The following MYO9B variants were observed in gnomAD, a reference collection of about 807,000 sequenced individuals.
The protein encoded by MYO9B is unconventional myosin-IXb.
MYO9B carries 71 observed loss-of-function variants against 229.5 expected under a neutral mutation model. The observed-to-expected ratio is 0.31, with a 90% CI of 0.26 to 0.38. The LOEUF (loss-of-function observed/expected upper bound fraction) is 0.38, where lower values mean the gene tolerates loss of function less well. Among genes scored for constraint, MYO9B ranks in the 10% least tolerant of loss-of-function variants. MYO9B has a pLI of 1.00. For synonymous variants in MYO9B, 1,185 were observed against 1,235.8 expected (o/e 0.96, Z 0.86); for missense variants, 2,255 against 2,920.5 (o/e 0.77, Z 5.25).
At chr19:17,119,580 T>TC (rs1255575674) in intron 2 of MYO9B, among the ~76,000 whole-genome samples, 3 of 152,132 alleles carry the variant, frequency 2.0e-5, no homozygotes. Context: ...ATACCTGTAA[T>TC]CCCAGCACTT....
At chr19:17,109,032 TTTTA>T (rs150315844) in intron 2 of MYO9B, among the ~76,000 whole-genome samples, 23,730 of 136,184 alleles carry the variant, frequency 0.17, 2,255 homozygotes, top group African/African-American at 0.18. Context: ...TTTTTTTTAA[TTTTA>T]TTTATTTATT....
intron 1 of MYO9B, among the ~76,000 whole-genome samples, chr19:17,090,409 G>A (rs1424157682): frequency 6.6e-6 from 1 of 152,036 alleles, no homozygotes; most frequent in Non-Finnish European, 1.5e-5. Context: ...CCTTGGCCTC[G>A]CAAAGTGCTG....
chr19:17,099,808 A>G (rs987000558), intron 1 of MYO9B, among the ~76,000 whole-genome samples: 3 of 112,674 alleles, frequency 2.7e-5, no homozygotes, highest in Non-Finnish European at 5.2e-5. Context: ...AAAAAGCGAG[A>G]CTGTCTTAAA....
Position 17,102,222 on chromosome 19 carries a change from C to T in MYO9B, c.505C>T (p.Arg169Cys). Residue 169 changes from arginine (R) to cysteine (C), a missense_variant, in exon 2 of 40, where the codon CGC (arginine) becomes TGC (cysteine). Transcript: ENST00000682292. ...CAACCTCCTGAAGAACCTCAAGCAC[C>T]GCTTCCTGCAACAAAAGATCTACAC... ...EGNLLKNLKH[R>C]FLQQKIYTYA... is the part of the protein sequence containing the mutation. 2 of 1,592,338 alleles carry T rather than the reference C, an allele frequency of 1.3e-6. No homozygotes were observed. Among genetic ancestry groups the T allele is most frequent in the South Asian group, 1.1e-5 (1 of 89,256 alleles).
intron 1 of MYO9B, among the ~76,000 whole-genome samples, chr19:17,090,814 G>A (rs943717865): frequency 2.6e-5 from 4 of 152,118 alleles, no homozygotes; most frequent in Non-Finnish European, 4.4e-5. Flanking sequence ...ACCATAACCC[G>A]AGGTCGCCAC....
chr19:17,185,152 G>A (rs1207821673), intron 17 of MYO9B, among the ~76,000 whole-genome samples, 165 bp downstream of exon 17: 1 of 152,066 alleles, frequency 6.6e-6, no homozygotes, highest in African/African-American at 2.4e-5. Flanking sequence ...GAGGCGGGCG[G>A]ATCACGAGGT....
intron 2 of MYO9B, among the ~76,000 whole-genome samples, chr19:17,112,814 G>T (rs898578378): frequency 7.2e-5 from 11 of 152,226 alleles, no homozygotes; most frequent in Non-Finnish European, 1.3e-4. Flanking sequence ...ACAGCAAGCT[G>T]GGGCACCTCC....
intron 10 of MYO9B, 31 bp from the exon 11 acceptor site, chr19:17,167,909 TAAG>T (rs896188096): frequency 6.4e-7 from 1 of 1,551,110 alleles, no homozygotes; most frequent in Admixed American, 2.0e-5. Flanking sequence ...ATCTGGGAGA[TAAG>T]AAACTTACCG....
intron 10 of MYO9B, among the ~76,000 whole-genome samples, chr19:17,164,203 C>T (rs1457953179): frequency 6.6e-6 from 1 of 152,028 alleles, no homozygotes; most frequent in Non-Finnish European, 1.5e-5. Context: ...TTTTCTCAGT[C>T]AAAAGGAAAA....
At chr19:17,185,885 T>C in intron 17 of MYO9B, 36 bp from the exon 18 acceptor site, 7 of 1,579,082 alleles carry the variant, frequency 4.4e-6, no homozygotes, top group Non-Finnish European at 6.1e-6. Flanking sequence ...TCAGGGTCCC[T>C]GATTCAACCC....
intron 2 of MYO9B, among the ~76,000 whole-genome samples, chr19:17,139,404 A>C (rs1015540227): frequency 6.6e-6 from 1 of 152,122 alleles, no homozygotes; most frequent in Non-Finnish European, 1.5e-5. Context: ...AGCCAAGATC[A>C]CACCACCGCA....
At chr19:17,152,586 T>A in intron 3 of MYO9B, 58 bp from the exon 4 acceptor site, 5 of 1,384,318 alleles carry the variant, frequency 3.6e-6, no homozygotes, top group South Asian at 1.2e-5. Context: ...AACAACTCAA[T>A]ATTAACACAA....
At chr19:17,174,881 C>T (rs997818466) in intron 13 of MYO9B, among the ~76,000 whole-genome samples, 1 of 151,790 alleles carries the variant, frequency 6.6e-6, no homozygotes, top group African/African-American at 2.4e-5. Context: ...TTGCAGTGAG[C>T]CAAGATCGCG....
chr19:17,176,154 G>A (rs562378903), intron 14 of MYO9B, among the ~76,000 whole-genome samples: 12 of 151,974 alleles, frequency 7.9e-5, no homozygotes, highest in East Asian at 1.9e-4. Context: ...CTCAGCCTCC[G>A]GAGTAGCTGG....
Position 17,172,592 on chromosome 19 carries a change from G to T in MYO9B, c.1935+115G>T, listed in dbSNP as rs10401923. The stretch of plus-strand genomic sequence containing the variant: ...GGTTCCAGGGTGCTCAGAACCCACC[G>T]CGAATCCCCGGCTCCAATGTCCAAG... On this transcript the variant is annotated intron_variant, in intron 12 of 39. Coordinates refer to ENST00000682292, the MANE Select transcript of MYO9B (RefSeq NM_004145.4). This position sits in a 1 kb window ranked among gnomAD's most constrained non-coding sequence, Gnocchi z 8.2. 117 of 1,482,370 alleles carry T rather than the reference G, an allele frequency of 7.9e-5. No homozygotes were observed. The highest frequency in any genetic ancestry group is 3.6e-4 in the Middle Eastern group (2 of 5,504). 91.8% of individuals were successfully genotyped at this position (1,482,370 alleles called of 1,614,324 possible).
intron 2 of MYO9B, among the ~76,000 whole-genome samples, chr19:17,107,439 T>A (rs946498435): frequency 1.3e-5 from 2 of 152,124 alleles, no homozygotes; most frequent in Non-Finnish European, 2.9e-5. Context: ...GTCCATGTCC[T>A]CCCCACCACG....
intron 2 of MYO9B, among the ~76,000 whole-genome samples, chr19:17,125,097 C>G (rs552854951): frequency 6.6e-6 from 1 of 151,950 alleles, no homozygotes; most frequent in South Asian, 2.1e-4. Flanking sequence ...CTTAGGAGTT[C>G]GAGACCAGCC....
rs1600002425 is a variant in MYO9B, at chr19:17,075,815, A to C, written c.-118A>C. On this transcript the variant is annotated 5_prime_UTR_variant, in exon 1 of 40. Transcript: ENST00000682292. ...GCGGCTCGAGCAGCGGCGGGCTGGC[A>C]GGCGGTCGTCCGGCCGGGGACCCGG... 1 of 150,516 alleles carries C rather than the reference A, an allele frequency of 6.6e-6. No individual in the cohort carries two copies. Among genetic ancestry groups the C allele is most frequent in the South Asian group, 1.8e-4 (1 of 5,636 alleles). The allele number at this position is 150,516 out of a possible 1,614,324, so 9.3% of individuals were successfully genotyped here. A position where few individuals can be genotyped will look rare whatever the true frequency, so the allele number is the denominator to read the frequency against.
rs546541392 is a variant in MYO9B at position 17,173,052 on chromosome 19, A to G, written c.2140+89A>G. On this transcript the variant is annotated intron_variant, in intron 13 of 39. Coordinates refer to ENST00000682292, the MANE Select transcript of MYO9B (RefSeq NM_004145.4). Reference sequence around the variant, plus strand: ...ATCTTAAAGTGAACACTTCAGTGGCATTTAGTACATTCATTATGTTGTGCA... The same window carrying G: ...ATCTTAAAGTGAACACTTCAGTGGCGTTTAGTACATTCATTATGTTGTGCA... The G allele has an allele frequency of 2.3e-5, 33 of 1,422,522 alleles. No homozygotes were observed. In the East Asian group the frequency reaches 3.6e-4, roughly 16 times the overall value. 88.1% of individuals were successfully genotyped at this position (1,422,522 alleles called of 1,614,324 possible). A position where few individuals can be genotyped will look rare whatever the true frequency, so the allele number is the denominator to read the frequency against.
Sources: allele counts gnomAD v4.1 joint callset (sites outside exome capture counted in the v4.1 genomes callset), GRCh38; gene constraint gnomAD v4.1.1; non-coding constraint Gnocchi (gnomAD v3.1); transcripts MANE v1.5; gene names NCBI Gene and HGNC (gene_info 2026-07-23, HGNC 2026-07-21).